The following PDZK1IP1 variants were observed in gnomAD, a reference collection of about 807,000 sequenced individuals.
PDZK1IP1 encodes PDZK1-interacting protein 1.
Under a neutral mutation model 14.7 loss-of-function variants are expected in PDZK1IP1, and 9 were observed. That is an observed-to-expected ratio of 0.61 (90% CI 0.37 to 1.07). The LOEUF (loss-of-function observed/expected upper bound fraction) is 1.07, where lower values mean the gene tolerates loss of function less well. Among genes scored for constraint, PDZK1IP1 ranks in the 50% least tolerant of loss-of-function variants. The pLI is 0.01. For missense variants in PDZK1IP1, 152 were observed against 148.7 expected (o/e 1.02, Z -0.11); for synonymous variants, 70 against 61.2 (o/e 1.14, Z -0.67).
intron 1 of PDZK1IP1, among the ~76,000 whole-genome samples, chr1:47,188,136 G>A (rs1311160335): frequency 6.6e-6 from 1 of 152,220 alleles, no homozygotes; most frequent in Non-Finnish European, 1.5e-5. Context: ...TAGGGCCAGA[G>A]ATTAGGTTGA....
intron 3 of PDZK1IP1, 51 bp from the exon 4 acceptor site, chr1:47,184,094 C>T: frequency 7.4e-7 from 1 of 1,348,010 alleles, no homozygotes; most frequent in East Asian, 2.4e-5. Context: ...CCCATTCTAT[C>T]CCCTTCTCCC....
chr1:47,189,166 T>C (rs1645337841), intron 1 of PDZK1IP1, among the ~76,000 whole-genome samples: 1 of 151,888 alleles, frequency 6.6e-6, no homozygotes, highest in Non-Finnish European at 1.5e-5. Context: ...GGAGGGGAGC[T>C]CTGAAAGCAT....
chr1:47,189,332 G>C (rs765817960), intron 1 of PDZK1IP1, among the ~76,000 whole-genome samples: 10 of 152,234 alleles, frequency 6.6e-5, no homozygotes, highest in Non-Finnish European at 1.2e-4. Context: ...AGCAGCCCTG[G>C]GAGGTGGGCA....
At chr1:47,187,506 C>T in intron 1 of PDZK1IP1, 79 bp from the exon 2 acceptor site, 1 of 1,128,836 alleles carries the variant, frequency 8.9e-7, no homozygotes. Context: ...CCTCACTCTT[C>T]AAGGACCCCA....
At chr1:47,186,314 A>G (rs1645320079) in intron 2 of PDZK1IP1, among the ~76,000 whole-genome samples, 2 of 139,770 alleles carry the variant, frequency 1.4e-5, no homozygotes, top group South Asian at 4.4e-4. Flanking sequence ...ATCTCCAAAA[A>G]AAAAGAAAAA....
At chr1:47,187,279 G>T in intron 2 of PDZK1IP1, 40 bp downstream of exon 2, 1 of 1,434,620 alleles carries the variant, frequency 7.0e-7, no homozygotes, top group Non-Finnish European at 9.8e-7. Flanking sequence ...GTGGTCCTGG[G>T]CCCACCCTGC....
chr1:47,184,303 T>A (rs561785195), intron 3 of PDZK1IP1, among the ~76,000 whole-genome samples: 2 of 113,238 alleles, frequency 1.8e-5, no homozygotes, highest in African/African-American at 6.8e-5. Context: ...ACCGAGCCCA[T>A]CCCCCACTGA....
At chr1:47,186,009 C>G (rs1645317755) in intron 2 of PDZK1IP1, among the ~76,000 whole-genome samples, 1 of 152,164 alleles carries the variant, frequency 6.6e-6, no homozygotes, top group Non-Finnish European at 1.5e-5. Flanking sequence ...CCGAAACTGG[C>G]TTAAAAACTT....
chr1:47,187,541 C>T, intron 1 of PDZK1IP1, 114 bp from the exon 2 acceptor site: 1 of 778,380 alleles, frequency 1.3e-6, no homozygotes, highest in South Asian at 1.6e-5. Context: ...CCTCAGCCAG[C>T]TGCCAGGAGC....
At chr1:47,185,960 G>C (rs72894602) in intron 2 of PDZK1IP1, among the ~76,000 whole-genome samples, 1 of 152,022 alleles carries the variant, frequency 6.6e-6, no homozygotes, top group African/African-American at 2.4e-5. Context: ...CATCTGCCAC[G>C]AGGCAGCCAG....
intron 1 of PDZK1IP1, among the ~76,000 whole-genome samples, chr1:47,187,809 C>T (rs764658100): frequency 8.5e-5 from 13 of 152,220 alleles, no homozygotes; most frequent in Non-Finnish European, 1.5e-4. Context: ...GACAGCCGGC[C>T]TAGGCCTTGC....
At chr1:47,184,574 ACTGAG>A (rs1375293546) in intron 3 of PDZK1IP1, among the ~76,000 whole-genome samples, 3 of 44,608 alleles carry the variant, frequency 6.7e-5, no homozygotes, top group African/African-American at 8.5e-5. Flanking sequence ...TCCATACCCC[ACTGAG>A]TCCATACCCC....
intron 2 of PDZK1IP1, among the ~76,000 whole-genome samples, chr1:47,187,053 C>T (rs1014584139): frequency 9.9e-5 from 15 of 152,202 alleles, no homozygotes; most frequent in East Asian, 1.9e-4. Context: ...GAAGCGAAGC[C>T]GTTTCCCCAA....
At chr1:47,185,179 C>T (rs1473332982) in intron 2 of PDZK1IP1, 82 bp from the exon 3 acceptor site, 4 of 1,084,858 alleles carry the variant, frequency 3.7e-6, no homozygotes, top group South Asian at 2.5e-5. Flanking sequence ...CTGGTTCTCA[C>T]AAGCCCGAAG....
In PDZK1IP1 at chr1:47,189,797, G is replaced by A. The variant is rs2472732; in HGVS notation, c.67+69C>T. On this transcript the variant is annotated intron_variant, in intron 1 of 3. Coordinates refer to ENST00000294338, the MANE Select transcript of PDZK1IP1 (RefSeq NM_005764.4). The stretch of plus-strand genomic sequence containing the variant: ...CAAACTGTAAGTATCAAGGCCCTGG[G>A]GAGGGGAGCCAGAACACCACCTGTC... 487 of 1,212,686 alleles carry A rather than the reference G, an allele frequency of 4.0e-4. 3 individuals are homozygous for A. In the African/African-American group the frequency reaches 6.8e-3, roughly 17 times the overall value. The allele number at this position is 1,212,686 out of a possible 1,614,324, so 75.1% of individuals were successfully genotyped here.
intron 2 of PDZK1IP1, 58 bp from the exon 3 acceptor site, chr1:47,185,155 C>A (rs1645311643): frequency 2.3e-6 from 3 of 1,327,762 alleles, no homozygotes; most frequent in South Asian, 1.2e-5. Flanking sequence ...TCCAAGCAGA[C>A]CCTATTCTGG....
chr1:47,187,435 A>G lies in PDZK1IP1; in HGVS notation c.68-8T>C, dbSNP rs759841391. 1.2e-6 allele frequency: 2 copies of G among 1,608,270 alleles called. No individual in the cohort carries two copies. Among genetic ancestry groups the G allele is most frequent in the East Asian group, 2.2e-5 (1 of 44,852 alleles). ...GCTGAAGGTTCCCCAGGCCTAACAAAGGGAGAGGGGCTGTAGCAGACGGGG... is the reference window on the plus strand; with the variant it reads ...GCTGAAGGTTCCCCAGGCCTAACAAGGGGAGAGGGGCTGTAGCAGACGGGG... On this transcript the variant is annotated splice_polypyrimidine_tract_variant and splice_region_variant and intron_variant, in intron 1 of 3. Coordinates refer to ENST00000294338, the MANE Select transcript of PDZK1IP1 (RefSeq NM_005764.4).
Position 47,190,023 on chromosome 1 carries a change from C to T in PDZK1IP1, c.-91G>A, listed in dbSNP as rs1645343889. The T allele has an allele frequency of 9.7e-7, 1 of 1,035,928 alleles. No homozygotes were observed. The highest frequency in any genetic ancestry group is 1.7e-5 in the African/African-American group (1 of 60,094). The allele number at this position is 1,035,928 out of a possible 1,614,324, so 64.2% of individuals were successfully genotyped here. A position where few individuals can be genotyped will look rare whatever the true frequency, so the allele number is the denominator to read the frequency against. On this transcript the variant is annotated 5_prime_UTR_variant, in exon 1 of 4. Transcript: ENST00000294338. ...TCTATTGGTGTCCGCCTGAAATCAA[C>T]CTGGGCTCAGTCTGGCCCTGGAGGA... is the stretch of plus-strand genomic sequence containing the variant.
At chr1:47,185,245 C>T in intron 2 of PDZK1IP1, 148 bp from the exon 3 acceptor site, 1 of 645,156 alleles carries the variant, frequency 1.6e-6, no homozygotes, top group Non-Finnish European at 2.8e-6. Flanking sequence ...GCCGCGGCTA[C>T]TGGCCCCACC....
Sources: gnomAD v4.1 joint callset for allele counts (sites outside exome capture counted in the v4.1 genomes callset) on GRCh38, gnomAD v4.1.1 for gene constraint, MANE v1.5 for transcripts, NCBI Gene and HGNC (gene_info 2026-07-23, HGNC 2026-07-21) for gene names.